Variants in AUTS2 observed in about 807,000 individuals in gnomAD.
AUTS2 encodes activator of transcription and developmental regulator AUTS2.
Under a neutral mutation model 112.4 loss-of-function variants are expected in AUTS2, and 17 were observed. That is an observed-to-expected ratio of 0.15 (90% CI 0.10 to 0.23). The LOEUF is 0.23. Ranked by LOEUF, AUTS2 falls within the 10% of genes least tolerant of loss-of-function variation. The probability of loss-of-function intolerance (pLI) is 1.00; values close to 1 mark genes in which losing one functional copy is unlikely to be tolerated. For missense variants in AUTS2, 1,510 were observed against 1,701.6 expected (o/e 0.89, Z 1.98); for synonymous variants, 751 against 702.7 (o/e 1.07, Z -1.09).
chr7:69,757,803 G>C (rs577521679), intron 1 of AUTS2, among the ~76,000 whole-genome samples: 1 of 152,200 alleles, frequency 6.6e-6, no homozygotes, highest in East Asian at 1.9e-4. Flanking sequence ...CTAAAACCCA[G>C]GACAGTGATA....
rs1165646221 is a variant in AUTS2 at position 70,786,056 on chromosome 7, T to C, written c.2308+18T>C. On this transcript the variant is annotated intron_variant, in intron 17 of 18. Coordinates refer to ENST00000342771, the MANE Select transcript of AUTS2 (RefSeq NM_015570.4). ...TTCCGTTAGTGAGTACCTCTAACTT[T>C]TAAAAATCTGCCTTGGACTTTTTAT... 6.2e-7 allele frequency: 1 copy of C among 1,607,600 alleles called. No homozygotes were observed. The highest frequency in any genetic ancestry group is 1.7e-4 in the Middle Eastern group (1 of 6,024).
At chr7:69,869,604 T>C (rs1793391791) in intron 1 of AUTS2, among the ~76,000 whole-genome samples, 1 of 151,980 alleles carries the variant, frequency 6.6e-6, no homozygotes, top group Non-Finnish European at 1.5e-5. Context: ...CAAATAAATT[T>C]GTGGTATTCT....
At position 70,406,994 on chromosome 7, in the gene AUTS2, T is replaced by G. The variant is rs1048287448; in HGVS notation, c.661-28758T>G. ...ATTTGTTAAGTTGTCATTCTCCTTA[T>G]GGACATCAAGGACTTCCTGCATATG... On this transcript the variant is annotated intron_variant, in intron 4 of 18. Coordinates refer to ENST00000342771, the MANE Select transcript of AUTS2 (RefSeq NM_015570.4). 3.3e-4 allele frequency among the ~76,000 whole-genome samples: 50 copies of G among 152,234 alleles called. 1 individual carries two copies. The highest frequency in any genetic ancestry group is 1.6e-3 in the Admixed American group (24 of 15,280).
chr7:70,622,436 C>T (rs1804731563), intron 5 of AUTS2, among the ~76,000 whole-genome samples: 1 of 152,048 alleles, frequency 6.6e-6, no homozygotes, highest in African/African-American at 2.4e-5. Flanking sequence ...AGCCAGGTTC[C>T]ATAGCTCCCG....
At chr7:70,665,693 A>T (rs1259603026) in intron 5 of AUTS2, among the ~76,000 whole-genome samples, 1 of 152,172 alleles carries the variant, frequency 6.6e-6, no homozygotes, top group Non-Finnish European at 1.5e-5. Flanking sequence ...TTTGAAATGC[A>T]TGGATTTTAG....
intron 1 of AUTS2, among the ~76,000 whole-genome samples, chr7:69,665,065 C>T (rs1206498643): frequency 6.6e-6 from 1 of 152,172 alleles, no homozygotes; most frequent in Non-Finnish European, 1.5e-5. Flanking sequence ...AATGGTAAAA[C>T]AGGGTTGGTA....
At chr7:70,390,819 G>A (rs1192290138) in intron 4 of AUTS2, among the ~76,000 whole-genome samples, 2 of 152,100 alleles carry the variant, frequency 1.3e-5, no homozygotes, top group Non-Finnish European at 2.9e-5. Context: ...GGCCGTGTTA[G>A]AGCAGTGGTC....
At chr7:70,788,338 T>C (rs1791653633) in intron 18 of AUTS2, among the ~76,000 whole-genome samples, 1 of 152,210 alleles carries the variant, frequency 6.6e-6, no homozygotes, top group Admixed American at 6.5e-5. Context: ...AAAGAAAGAA[T>C]TCAACTTTGC....
At chr7:69,745,447 C>T (rs962232393) in intron 1 of AUTS2, among the ~76,000 whole-genome samples, 2 of 152,158 alleles carry the variant, frequency 1.3e-5, no homozygotes, top group African/African-American at 4.8e-5. Context: ...ATTTGAAATG[C>T]ACTTTTGCCT....
chr7:69,995,503 CTTCT>C (rs1798908024), intron 2 of AUTS2, among the ~76,000 whole-genome samples: 1 of 152,058 alleles, frequency 6.6e-6, no homozygotes, highest in Non-Finnish European at 1.5e-5. Flanking sequence ...GTTCTCCCTC[CTTCT>C]ATTTCTCATC....
chr7:69,671,927 G>A lies in AUTS2; in HGVS notation c.309+71965G>A, dbSNP rs1263659376. 2.0e-5 allele frequency among the ~76,000 whole-genome samples: 3 copies of A among 152,096 alleles called. No homozygotes were observed. In the East Asian group the frequency reaches 5.8e-4, roughly 29 times the overall value. On this transcript the variant is annotated intron_variant, in intron 1 of 18. Coordinates refer to ENST00000342771, the MANE Select transcript of AUTS2 (RefSeq NM_015570.4). ...ATTGGGGCACTGGGAAATGGGTAGG[G>A]AAAATACAATAAAGCCATGTTAAGG...
At chr7:70,395,825 C>G (rs1273431254) in intron 4 of AUTS2, among the ~76,000 whole-genome samples, 1 of 152,172 alleles carries the variant, frequency 6.6e-6, no homozygotes, top group Non-Finnish European at 1.5e-5. Context: ...CTGCACTTAA[C>G]TCTATTCAAC....
chr7:70,665,988 CT>C (rs1376372580), intron 5 of AUTS2, among the ~76,000 whole-genome samples: 1 of 152,160 alleles, frequency 6.6e-6, no homozygotes, highest in African/African-American at 2.4e-5. Context: ...AAGGGCTCCA[CT>C]GGCGGCTGGG....
intron 4 of AUTS2, among the ~76,000 whole-genome samples, chr7:70,341,765 G>GA (rs1791274330): frequency 6.6e-6 from 1 of 152,208 alleles, no homozygotes; most frequent in Non-Finnish European, 1.5e-5. Flanking sequence ...TTAAAGAATG[G>GA]AATCTGTTAG....
intron 6 of AUTS2, among the ~76,000 whole-genome samples, chr7:70,724,836 A>G (rs578084030): frequency 6.6e-6 from 1 of 152,358 alleles, no homozygotes; most frequent in South Asian, 2.1e-4. Flanking sequence ...GATCTTTTCA[A>G]TAATTCCATA....
At chr7:70,575,422 C>A (rs1228963487) in intron 5 of AUTS2, among the ~76,000 whole-genome samples, 1 of 152,142 alleles carries the variant, frequency 6.6e-6, no homozygotes, top group Non-Finnish European at 1.5e-5. Context: ...CCTCCACCCC[C>A]ACCCTCAGCC....
At chr7:69,612,971 C>T (rs1793128539) in intron 1 of AUTS2, among the ~76,000 whole-genome samples, 1 of 152,176 alleles carries the variant, frequency 6.6e-6, no homozygotes, top group South Asian at 2.1e-4. Context: ...CTGCTATTTA[C>T]TATTCGCCTT....
chr7:70,071,096 A>C (rs1055682895), intron 2 of AUTS2, among the ~76,000 whole-genome samples: 1 of 152,198 alleles, frequency 6.6e-6, no homozygotes, highest in Admixed American at 6.5e-5. Flanking sequence ...ATGGCATATA[A>C]TAAATTCACT....
At chr7:70,454,994 A>T (rs1796676827) in intron 5 of AUTS2, among the ~76,000 whole-genome samples, 1 of 152,136 alleles carries the variant, frequency 6.6e-6, no homozygotes. Context: ...AGGTGGAGGG[A>T]GTCCAGTACC....
Sources: allele counts gnomAD v4.1 joint callset (sites outside exome capture counted in the v4.1 genomes callset), GRCh38; gene constraint gnomAD v4.1.1; transcripts MANE v1.5; gene names NCBI Gene and HGNC (gene_info 2026-07-23, HGNC 2026-07-21).